COL19A1: variants seen among roughly 807,000 people sequenced by gnomAD.
The protein encoded by COL19A1 is collagen type XIX alpha 1 chain.
A neutral mutation model predicts 190.2 loss-of-function variants in COL19A1; 159 were observed. The observed-to-expected ratio is 0.84, with a 90% CI of 0.73 to 0.95. The LOEUF is 0.95. Ranked by LOEUF, COL19A1 falls within the 40% of genes least tolerant of loss-of-function variation. COL19A1 has a pLI of 0.00. For missense variants in COL19A1, 1,418 were observed against 1,431.9 expected, an observed-to-expected ratio of 0.99 and a Z score of 0.16; for synonymous variants, 509 against 458.9, an observed-to-expected ratio of 1.11 and a Z score of -1.39.
intron 11 of COL19A1, among the ~76,000 whole-genome samples, chr6:69,998,878 T>C (rs1432360369): frequency 1.3e-5 from 2 of 152,210 alleles, no homozygotes; most frequent in Non-Finnish European, 2.9e-5. Context: ...CTTTGTTATG[T>C]ACTTCAAAGT....
chr6:70,091,264 G>C (rs760574059), intron 15 of COL19A1, among the ~76,000 whole-genome samples: 1 of 152,046 alleles, frequency 6.6e-6, no homozygotes. Flanking sequence ...TCACTAATTT[G>C]CCTCACCCTT....
Position 70,050,104 on chromosome 6 carries a change from T to A in COL19A1, c.1170+14165T>A, listed in dbSNP as rs577731514. 2.5e-4 allele frequency among the ~76,000 whole-genome samples: 38 copies of A among 152,202 alleles called. 1 individual carries two copies. In the South Asian group the frequency reaches 7.9e-3, roughly 32 times the overall value. On this transcript the variant is annotated intron_variant, in intron 14 of 50. Transcript: ENST00000620364. ...CATGTTTCTTGACCTTTCTGTGTCA[T>A]CTATAAAATGTGATACTAATATTTC...
rs548598790 is a variant in COL19A1, at chr6:69,887,503, C to G, written c.91+7845C>G. 2.0e-5 allele frequency among the ~76,000 whole-genome samples: 3 copies of G among 152,308 alleles called. No individual in the cohort carries two copies. The East Asian group carries it at 5.8e-4, about 29-fold the overall frequency. The stretch of plus-strand genomic sequence containing the variant: ...TTTATACCCCTGTGTAACTACTACT[C>G]AGACCTAAATACACATTCTCAAAAC... On this transcript the variant is annotated intron_variant, in intron 2 of 50. Transcript: ENST00000620364.
At chr6:69,986,969 G>A (rs1776348611) in intron 11 of COL19A1, among the ~76,000 whole-genome samples, 1 of 152,182 alleles carries the variant, frequency 6.6e-6, no homozygotes, top group Admixed American at 6.5e-5. Flanking sequence ...CACCCGGGCT[G>A]GAGTGCAGCA....
Position 69,962,374 on chromosome 6 carries a change from A to C in COL19A1, c.982-452A>C, listed in dbSNP as rs187332614. Among the ~76,000 whole-genome samples the C allele has an allele frequency of 8.7e-4, 132 of 152,312 alleles. 1 individual carries two copies. The highest frequency in any genetic ancestry group is 3.1e-3 in the African/African-American group (129 of 41,566). ...CAAGGGTTCAAACCTGAACTCATTC[A>C]TCATAAGACACTTACCAGAATGGTA... On this transcript the variant is annotated intron_variant, in intron 10 of 50. Coordinates refer to ENST00000620364, the MANE Select transcript of COL19A1 (RefSeq NM_001858.6).
intron 4 of COL19A1, among the ~76,000 whole-genome samples, chr6:69,917,947 T>A (rs562047003): frequency 1.3e-5 from 2 of 152,262 alleles, no homozygotes; most frequent in African/African-American, 4.8e-5. Context: ...GTAATCTTGA[T>A]GTAAATGAAG....
At chr6:70,174,416 C>T (rs1360568879) in intron 41 of COL19A1, among the ~76,000 whole-genome samples, 1 of 152,114 alleles carries the variant, frequency 6.6e-6, no homozygotes, top group Non-Finnish European at 1.5e-5. Flanking sequence ...AAAAATTAGC[C>T]AAGCGTGGTG....
intron 11 of COL19A1, among the ~76,000 whole-genome samples, chr6:69,982,114 A>T (rs1488691188): frequency 6.6e-6 from 1 of 152,160 alleles, no homozygotes; most frequent in Non-Finnish European, 1.5e-5. Context: ...AAATGAAGAT[A>T]TAGAAAGAAA....
chr6:70,068,400 C>G (rs1447675149), intron 14 of COL19A1, 23 bp from the exon 15 acceptor site: 1 of 1,477,508 alleles, frequency 6.8e-7, no homozygotes, highest in Non-Finnish European at 9.5e-7. Context: ...AGTGTATTAA[C>G]ATGTGTCTCT....
chr6:70,172,066 GT>G (rs1765531802), intron 41 of COL19A1, 49 bp downstream of exon 41: 1 of 1,569,874 alleles, frequency 6.4e-7, no homozygotes, highest in South Asian at 1.1e-5. Flanking sequence ...ATTCAAAATT[GT>G]TTACTGAGCA....
chr6:70,161,928 G>A lies in COL19A1; in HGVS notation c.2321G>A (p.Gly774Asp), dbSNP rs371625785. 49 of 1,606,980 alleles carry A rather than the reference G, an allele frequency of 3.0e-5. No homozygotes were observed. Among genetic ancestry groups the A allele is most frequent in the Non-Finnish European group, 4.1e-5 (48 of 1,176,690 alleles). ...EGLQGIPGIP[G>D]APGPTGPPGL... ...CTTCAAGGAATTCCAGGCATTCCAG[G>A]TGCTCCAGGCCCGACTGGACCCCCT... The change falls in exon 35 of 51, where the codon GGT becomes GAT. Residue 774 changes from glycine (G) to aspartate (D), a missense_variant. By Grantham distance (94) the Gly-to-Asp change is moderately conservative. Transcript: ENST00000620364.
intron 16 of COL19A1, among the ~76,000 whole-genome samples, chr6:70,105,408 A>C (rs1783890719): frequency 6.6e-6 from 1 of 152,078 alleles, no homozygotes; most frequent in East Asian, 1.9e-4. Context: ...CACTCGCCTC[A>C]GCCTCCCAAA....
In COL19A1 at chr6:70,057,842, T is replaced by C. The variant is rs993210220; in HGVS notation, c.1171-10581T>C. On this transcript the variant is annotated intron_variant, in intron 14 of 50. Transcript: ENST00000620364. ...TAGCTATGGCAGTTAATATTCTAACTGCTGCAGAAGTACCAAGAGAAATGC... is the reference window on the plus strand; with the variant it reads ...TAGCTATGGCAGTTAATATTCTAACCGCTGCAGAAGTACCAAGAGAAATGC... Among the ~76,000 whole-genome samples, 10 of 152,210 alleles carry C rather than the reference T, an allele frequency of 6.6e-5. No individual in the cohort carries two copies. In the East Asian group the frequency reaches 1.7e-3, roughly 26 times the overall value.
At chr6:70,044,092 T>C (rs1210155328) in intron 14 of COL19A1, among the ~76,000 whole-genome samples, 1 of 152,214 alleles carries the variant, frequency 6.6e-6, no homozygotes, top group Non-Finnish European at 1.5e-5. Context: ...CTTCTTTCCT[T>C]AAACATCATG....
intron 15 of COL19A1, among the ~76,000 whole-genome samples, chr6:70,101,601 G>A (rs1222361345): frequency 6.6e-6 from 1 of 152,128 alleles, no homozygotes; most frequent in Non-Finnish European, 1.5e-5. Flanking sequence ...AATTACAATA[G>A]GGCTTAGGGC....
At chr6:70,142,419 C>T (rs903324926) in intron 22 of COL19A1, among the ~76,000 whole-genome samples, 7 of 152,248 alleles carry the variant, frequency 4.6e-5, no homozygotes, top group African/African-American at 1.4e-4. Flanking sequence ...AATTATGCAA[C>T]GTTGAGTTGC....
chr6:70,187,168 C>T (rs948003159), intron 46 of COL19A1, among the ~76,000 whole-genome samples: 3 of 152,160 alleles, frequency 2.0e-5, no homozygotes, highest in Non-Finnish European at 2.9e-5. Context: ...GCGTGAGCCA[C>T]CGCGCCTGGC....
At chr6:69,900,590 T>C (rs1468931631) in intron 4 of COL19A1, among the ~76,000 whole-genome samples, 3 of 152,118 alleles carry the variant, frequency 2.0e-5, no homozygotes, top group African/African-American at 7.2e-5. Flanking sequence ...ATTAAATCCA[T>C]TTCTGAAGAA....
At chr6:69,937,886 T>C in intron 8 of COL19A1, 152 bp from the exon 9 acceptor site, 1 of 628,056 alleles carries the variant, frequency 1.6e-6, no homozygotes, top group Non-Finnish European at 2.8e-6. Flanking sequence ...CTTTTTCCCT[T>C]GTTCACGTGG....
Sources: allele counts gnomAD v4.1 joint callset (sites outside exome capture counted in the v4.1 genomes callset), GRCh38; gene constraint gnomAD v4.1.1; transcripts MANE v1.5; gene names NCBI Gene and HGNC (gene_info 2026-07-23, HGNC 2026-07-21).